The following GPBP1 variants were observed in gnomAD, a reference collection of about 807,000 sequenced individuals.
The protein encoded by GPBP1 is vasculin.
In GPBP1, 13 loss-of-function variants were observed where a neutral mutation model predicts 56.5. The observed-to-expected ratio is 0.23, with a 90% CI of 0.15 to 0.37. The LOEUF is 0.37. Among genes scored for constraint, GPBP1 ranks in the 10% least tolerant of loss-of-function variants. The pLI, the probability that GPBP1 is intolerant of heterozygous loss-of-function variation, is 1.00. For synonymous variants in GPBP1, 204 were observed against 188.9 expected (o/e 1.08, Z -0.66); for missense variants, 477 against 572.3 (o/e 0.83, Z 1.70).
chr5:57,194,864 G>A (rs1037066441), intron 2 of GPBP1, among the ~76,000 whole-genome samples: 7 of 152,262 alleles, frequency 4.6e-5, no homozygotes, highest in African/African-American at 1.7e-4. Flanking sequence ...ATATTCCATA[G>A]CCATATACAT....
intron 2 of GPBP1, among the ~76,000 whole-genome samples, chr5:57,212,801 C>T (rs1755547674): frequency 6.6e-6 from 1 of 151,240 alleles, no homozygotes. Flanking sequence ...TCCTGAGTAG[C>T]TGGGATTACA....
intron 6 of GPBP1, among the ~76,000 whole-genome samples, chr5:57,240,539 G>T (rs1467125923): frequency 1.3e-5 from 2 of 152,132 alleles, no homozygotes; most frequent in East Asian, 3.9e-4. Context: ...TATAATGGTG[G>T]AAGAATATTG....
intron 1 of GPBP1, among the ~76,000 whole-genome samples, 164 bp from the exon 2 acceptor site, chr5:57,175,284 G>A (rs1302378974): frequency 6.6e-6 from 1 of 152,124 alleles, no homozygotes; most frequent in Non-Finnish European, 1.5e-5. Flanking sequence ...TCATTCAGTA[G>A]ACTTTTATCG....
chr5:57,257,577 C>T (rs931468510), intron 10 of GPBP1, among the ~76,000 whole-genome samples: 2 of 152,082 alleles, frequency 1.3e-5, no homozygotes, highest in Non-Finnish European at 1.5e-5. Context: ...ACTTGGGTAC[C>T]AGTCAGAGGT....
At chr5:57,212,392 G>A (rs1323758160) in intron 2 of GPBP1, among the ~76,000 whole-genome samples, 1 of 152,112 alleles carries the variant, frequency 6.6e-6, no homozygotes, top group Non-Finnish European at 1.5e-5. Flanking sequence ...TACTCCACAA[G>A]ACTTTGACAT....
At chr5:57,193,318 A>G (rs1431416228) in intron 2 of GPBP1, among the ~76,000 whole-genome samples, 1 of 151,986 alleles carries the variant, frequency 6.6e-6, no homozygotes, top group Non-Finnish European at 1.5e-5. Context: ...CTCCATCTCA[A>G]AAAGAAACTG....
Position 57,249,580 on chromosome 5 carries a change from A to AT in GPBP1, c.972+6dup, listed in dbSNP as rs1234138947. ...AAGCCGTGCTGGCTCAGAGAAGGTAATTGAATTTATAGCAATACTTGATTT... is the reference window on the plus strand; with the variant it reads ...AAGCCGTGCTGGCTCAGAGAAGGTAATTTGAATTTATAGCAATACTTGATTT... On this transcript the variant is annotated splice_donor_region_variant and intron_variant, in intron 9 of 11. Transcript: ENST00000506184. 6.3e-7 allele frequency: 1 copy of AT among 1,598,020 alleles called. No homozygotes were observed. Among genetic ancestry groups the AT allele is most frequent in the African/African-American group, 1.4e-5 (1 of 74,022 alleles).
intron 10 of GPBP1, among the ~76,000 whole-genome samples, chr5:57,258,640 T>C (rs1741766597): frequency 6.6e-6 from 1 of 152,210 alleles, no homozygotes; most frequent in Admixed American, 6.5e-5. Flanking sequence ...AGATTGTTTT[T>C]ATTTTTTCTT....
At chr5:57,181,639 T>C (rs1004548556) in intron 2 of GPBP1, among the ~76,000 whole-genome samples, 5 of 151,972 alleles carry the variant, frequency 3.3e-5, no homozygotes, top group Non-Finnish European at 7.4e-5. Context: ...ATACATCTCT[T>C]TTCAAACTCC....
Position 57,263,568 on chromosome 5 carries a change from T to G in GPBP1, c.*816T>G, listed in dbSNP as rs535486090. The G allele has an allele frequency of 7.2e-5, 11 of 152,238 alleles. No homozygotes were observed. Among genetic ancestry groups the G allele is most frequent in the African/African-American group, 2.6e-4 (11 of 41,552 alleles). The allele number at this position is 152,238 out of a possible 1,614,324, so 9.4% of individuals were successfully genotyped here. A position where few individuals can be genotyped will look rare whatever the true frequency, so the allele number is the denominator to read the frequency against. ...CTGGATCTGTCCACGACATGGAAAA[T>G]AAACTGGATTTTCAGAATATTGTTG... On this transcript the variant is annotated 3_prime_UTR_variant, in exon 12 of 12. Coordinates refer to ENST00000506184, the MANE Select transcript of GPBP1 (RefSeq NM_022913.4).
At chr5:57,254,600 C>G (rs914421893) in intron 10 of GPBP1, among the ~76,000 whole-genome samples, 1 of 150,736 alleles carries the variant, frequency 6.6e-6, no homozygotes, top group African/African-American at 2.4e-5. Flanking sequence ...ATGGCTGAGG[C>G]ATGAGAATCA....
intron 2 of GPBP1, among the ~76,000 whole-genome samples, chr5:57,186,062 T>C (rs1312438456): frequency 3.9e-5 from 6 of 152,200 alleles, no homozygotes; most frequent in Admixed American, 3.3e-4. Context: ...GTGGTTTGTT[T>C]TCATTTTCTT....
chr5:57,234,137 A>G (rs916948236), intron 5 of GPBP1, among the ~76,000 whole-genome samples: 1 of 152,210 alleles, frequency 6.6e-6, no homozygotes, highest in South Asian at 2.1e-4. Context: ...GCTTTACAAT[A>G]ATCTCAGTAC....
chr5:57,224,513 G>T (rs182575949), intron 3 of GPBP1, among the ~76,000 whole-genome samples: 53 of 152,224 alleles, frequency 3.5e-4, no homozygotes, highest in Non-Finnish European at 1.2e-4. Flanking sequence ...AAAGTGCTGG[G>T]ATTACAGATG....
intron 11 of GPBP1, 119 bp downstream of exon 11, chr5:57,261,401 C>CT (rs1210194563): frequency 3.2e-5 from 19 of 597,744 alleles, no homozygotes; most frequent in South Asian, 2.9e-4. Context: ...GTCAGAATTG[C>CT]TTTTAAAAAA....
chr5:57,215,070 T>TA lies in GPBP1; in HGVS notation c.63+878dup, dbSNP rs528773578. 1.3e-3 allele frequency among the ~76,000 whole-genome samples: 193 copies of TA among 152,362 alleles called. 1 individual carries two copies. The highest frequency in any genetic ancestry group is 4.6e-3 in the African/African-American group (190 of 41,582). ...TCAGAGTTTCACAAATTTTAATTCTTACCAGTCATATACTTTGAACAGAGC... is the reference window on the plus strand; with the variant it reads ...TCAGAGTTTCACAAATTTTAATTCTTAACCAGTCATATACTTTGAACAGAGC... On this transcript the variant is annotated intron_variant, in intron 3 of 11. Transcript: ENST00000506184.
At chr5:57,235,497 CT>C (rs919749412) in intron 5 of GPBP1, among the ~76,000 whole-genome samples, 1 of 151,794 alleles carries the variant, frequency 6.6e-6, no homozygotes, top group Non-Finnish European at 1.5e-5. Flanking sequence ...GCAGAGTAGC[CT>C]GTTTTTTAAC....
At chr5:57,217,495 G>A (rs927792707) in intron 3 of GPBP1, among the ~76,000 whole-genome samples, 3 of 149,928 alleles carry the variant, frequency 2.0e-5, no homozygotes, top group Admixed American at 6.7e-5. Context: ...CGCTTTAACC[G>A]GGAGGGTGGA....
chr5:57,195,380 G>A (rs1754700395), intron 2 of GPBP1, among the ~76,000 whole-genome samples: 1 of 152,050 alleles, frequency 6.6e-6, no homozygotes, highest in African/African-American at 2.4e-5. Context: ...TGGTCTCCAG[G>A]TCCTGGGCAT....
Sources: allele counts gnomAD v4.1 joint callset (sites outside exome capture counted in the v4.1 genomes callset), GRCh38; gene constraint gnomAD v4.1.1; transcripts MANE v1.5; gene names NCBI Gene and HGNC (gene_info 2026-07-23, HGNC 2026-07-21).